The following ZNF518A variants were observed in gnomAD, a reference collection of about 807,000 sequenced individuals.
The protein encoded by ZNF518A is zinc finger protein 518A, also known as zinc finger protein 518.
A neutral mutation model predicts 102.7 loss-of-function variants in ZNF518A; 47 were observed. That is an observed-to-expected ratio of 0.46 (90% confidence interval 0.36 to 0.58). ZNF518A has a LOEUF of 0.58. Ranked by LOEUF, ZNF518A falls within the 20% of genes least tolerant of loss-of-function variation. The pLI is 0.00. For missense variants in ZNF518A, 1,793 were observed against 1,699.8 expected, an observed-to-expected ratio of 1.05 and a Z score of -0.96; for synonymous variants, 652 against 594.6, an observed-to-expected ratio of 1.10 and a Z score of -1.40.
Position 96,158,946 on chromosome 10 carries a change from C to G in ZNF518A, c.2624C>G (p.Ser875Ter). ...VSSIPQDVRD[S>*]EKMPRISGFG... The stretch of plus-strand genomic sequence containing the variant: ...TCAATACCACAAGATGTGAGAGATT[C>G]AGAGAAGATGCCTAGAATTTCAGGT... Residue 875 changes from serine to a stop codon, truncating the protein, a stop_gained, in exon 6 of 6, where the codon TCA (serine) becomes TGA (stop). Transcript: ENST00000316045. LOFTEE classifies it high-confidence loss of function. 6.2e-7 allele frequency: 1 copy of G among 1,613,534 alleles called. No individual in the cohort carries two copies. The highest frequency in any genetic ancestry group is 8.5e-7 in the Non-Finnish European group (1 of 1,179,700).
chr10:96,151,988 G>A (rs979464241), intron 3 of ZNF518A, among the ~76,000 whole-genome samples: 1 of 152,166 alleles, frequency 6.6e-6, no homozygotes, highest in East Asian at 1.9e-4. Flanking sequence ...TACATATATA[G>A]AAGGCAGTAG....
downstream of ZNF518A, among the ~76,000 whole-genome samples, chr10:96,164,687 G>A (rs1179289489): frequency 2.6e-5 from 4 of 152,146 alleles, no homozygotes; most frequent in South Asian, 4.1e-4. Flanking sequence ...TACAAGAGTG[G>A]AAACTTTCAA....
At position 96,159,735 on chromosome 10, in the gene ZNF518A, G is replaced by A. The variant is rs1393385158; in HGVS notation, c.3413G>A (p.Gly1138Glu). Residue 1138 changes from glycine to glutamate, a missense_variant, in exon 6 of 6, where the codon GGA becomes GAA. By Grantham distance (98) the Gly-to-Glu change is moderately conservative. Around this residue, in one of 3 missense-constraint regions of ZNF518A, gnomAD observed 1,741 missense variants for 1,622.6 expected, o/e 1.07. Coordinates refer to ENST00000316045, the MANE Select transcript of ZNF518A (RefSeq NM_001330736.2). ...YQNIQPKKPE[G>E]TPQRILLKIF... ...AATATACAGCCAAAGAAACCTGAAG[G>A]AACACCACAAAGAATATTGCTGAAA... 1.2e-6 allele frequency: 2 copies of A among 1,612,996 alleles called. No homozygotes were observed. The highest frequency in any genetic ancestry group is 1.7e-6 in the Non-Finnish European group (2 of 1,179,768).
intron 3 of ZNF518A, among the ~76,000 whole-genome samples, chr10:96,153,650 G>T (rs1187067709): frequency 1.3e-5 from 2 of 152,144 alleles, no homozygotes; most frequent in East Asian, 3.8e-4. Flanking sequence ...TAATAAGATG[G>T]TCTCTTTTAT....
chr10:96,160,506 C>G lies in ZNF518A; in HGVS notation c.4184C>G (p.Pro1395Arg). The change falls in exon 6 of 6, where the codon CCT (proline) becomes CGT (arginine). Residue 1395 changes from proline to arginine, a missense_variant. This residue lies in a region of ZNF518A where 1,741 missense variants were observed against 1,622.6 expected (regional missense o/e 1.07). Transcript: ENST00000316045. ...TTACTGAAACCAGTTTGTTATAACC[C>G]TCCTAAAACAACTTATGATGATTTT... ...NALLKPVCYN[P>R]PKTTYDDFSK... 1 of 1,612,836 alleles carries G rather than the reference C, an allele frequency of 6.2e-7. No homozygotes were observed. The highest frequency in any genetic ancestry group is 8.5e-7 in the Non-Finnish European group (1 of 1,179,448).
In ZNF518A at chr10:96,161,752, G is replaced by A. The variant is rs782739226; in HGVS notation, c.*978G>A. 6.0e-6 allele frequency: 1 copy of A among 166,832 alleles called. No homozygotes were observed. Among genetic ancestry groups the A allele is most frequent in the Non-Finnish European group, 1.5e-5 (1 of 67,998 alleles). The allele number at this position is 166,832 out of a possible 1,614,324, so 10.3% of individuals were successfully genotyped here. A position where few individuals can be genotyped will look rare whatever the true frequency, so the allele number is the denominator to read the frequency against. ...TTGAAGCAAGATCATATTTTTGTCT[G>A]TATTCACTTTATTATTTGAACATGT... is the stretch of plus-strand genomic sequence containing the variant. On this transcript the variant is annotated 3_prime_UTR_variant, in exon 6 of 6. Coordinates refer to ENST00000316045, the MANE Select transcript of ZNF518A (RefSeq NM_001330736.2).
At chr10:96,155,056 T>TAC (rs1554881722) in intron 3 of ZNF518A, among the ~76,000 whole-genome samples, 1 of 150,534 alleles carries the variant, frequency 6.6e-6, no homozygotes, top group East Asian at 1.9e-4. Flanking sequence ...TATTCATACA[T>TAC]ATATATATAT....
chr10:96,171,121 G>T (rs1317320138), intron 1 of ZNF518A, among the ~76,000 whole-genome samples: 1 of 152,016 alleles, frequency 6.6e-6, no homozygotes, highest in Non-Finnish European at 1.5e-5. Flanking sequence ...TTGGAAAACA[G>T]TATGGGACTT....
Position 96,163,221 on chromosome 10 carries a change from A to C in ZNF518A, c.*2447A>C, listed in dbSNP as rs1227717160. 1 of 166,858 alleles carries C rather than the reference A, an allele frequency of 6.0e-6. No individual in the cohort carries two copies. The highest frequency in any genetic ancestry group is 1.5e-5 in the Non-Finnish European group (1 of 68,032). The allele number at this position is 166,858 out of a possible 1,614,324, so 10.3% of individuals were successfully genotyped here. A position where few individuals can be genotyped will look rare whatever the true frequency, so the allele number is the denominator to read the frequency against. On this transcript the variant is annotated 3_prime_UTR_variant, in exon 6 of 6. Coordinates refer to ENST00000316045, the MANE Select transcript of ZNF518A (RefSeq NM_001330736.2). ...GATATTCTAGTTGGAACTTTTTCTG[A>C]TTTTGTTAACTTAAGTTATTCTGAG...
chr10:96,175,681 G>A (rs892144592), intron 1 of ZNF518A, among the ~76,000 whole-genome samples: 4 of 152,082 alleles, frequency 2.6e-5, no homozygotes, highest in Non-Finnish European at 5.9e-5. Context: ...CAACCCAATG[G>A]GTATTTCAGG....
At chr10:96,165,470 CAAAAA>C (rs35332637), downstream of ZNF518A, among the ~76,000 whole-genome samples, 11 of 112,372 alleles carry the variant, frequency 9.8e-5, no homozygotes, top group East Asian at 1.1e-3. Flanking sequence ...CAACAACAAC[CAAAAA>C]AAAAAAAAAA....
At chr10:96,131,434 C>T (rs1445511282) in intron 1 of ZNF518A, among the ~76,000 whole-genome samples, 5 of 152,078 alleles carry the variant, frequency 3.3e-5, no homozygotes, top group Admixed American at 2.0e-4. Flanking sequence ...ATTGTCTTTT[C>T]TGAAATTTAT....
Position 96,160,013 on chromosome 10 carries a change from A to G in ZNF518A, c.3691A>G (p.Arg1231Gly). The G allele has an allele frequency of 6.2e-7, 1 of 1,612,422 alleles. No homozygotes were observed. The highest frequency in any genetic ancestry group is 8.5e-7 in the Non-Finnish European group (1 of 1,179,402). The change falls in exon 6 of 6, where the codon AGG (arginine) becomes GGG (glycine). Residue 1231 changes from arginine (R) to glycine (G), a missense_variant. Around this residue, in one of 3 missense-constraint regions of ZNF518A, gnomAD observed 1,741 missense variants for 1,622.6 expected, o/e 1.07. Coordinates refer to ENST00000316045, the MANE Select transcript of ZNF518A (RefSeq NM_001330736.2). ...ATGTGTCAGTGACTGTTCAGAGTCC[A>G]GGGTATTAAGGTGTAAAACAAATTG... The part of the protein sequence containing the change: ...PICVSDCSES[R>G]VLRCKTNCRI...
chr10:96,140,504 G>A (rs957427369), intron 3 of ZNF518A, among the ~76,000 whole-genome samples: 13 of 152,010 alleles, frequency 8.6e-5, no homozygotes, highest in East Asian at 1.9e-4. Context: ...AATCACTGTC[G>A]CAGCAAAATG....
chr10:96,143,425 T>C (rs1564749955), intron 3 of ZNF518A, among the ~76,000 whole-genome samples: 1 of 152,222 alleles, frequency 6.6e-6, no homozygotes, highest in South Asian at 2.1e-4. Flanking sequence ...AAAATACTTT[T>C]CTTCCATTGT....
downstream of ZNF518A, chr10:96,204,204 G>C: frequency 1.8e-6 from 2 of 1,139,966 alleles, no homozygotes; most frequent in Non-Finnish European, 2.6e-6. Context: ...CAATACAAAT[G>C]GCCAATAAAA....
At chr10:96,190,201 T>C (rs1204717006) in intron 1 of ZNF518A, 2 of 777,038 alleles carry the variant, frequency 2.6e-6, no homozygotes, top group African/African-American at 3.4e-5. Flanking sequence ...CTCACGTCCA[T>C]GTCCATCGAA....
intron 3 of ZNF518A, among the ~76,000 whole-genome samples, chr10:96,144,397 T>C (rs1188900026): frequency 6.6e-6 from 1 of 152,230 alleles, no homozygotes; most frequent in African/African-American, 2.4e-5. Context: ...TGTTCCGTAA[T>C]TTTATAATTT....
chr10:96,159,956 G>A lies in ZNF518A; in HGVS notation c.3634G>A (p.Ala1212Thr), dbSNP rs782048011. The change falls in exon 6 of 6, where the codon GCA (alanine) becomes ACA (threonine). Residue 1212 changes from alanine to threonine, a missense_variant. By Grantham distance (58) the Ala-to-Thr change is moderately conservative. Coordinates refer to ENST00000316045, the MANE Select transcript of ZNF518A (RefSeq NM_001330736.2). ...AAATGAAATTGTGATAACTTCTACT[G>A]CAACATGCCCAGAATCTTCTGAGGA... is the stretch of plus-strand genomic sequence containing the variant. ...PANEIVITST[A>T]TCPESSEEPI... The A allele has an allele frequency of 3.9e-5, 63 of 1,613,298 alleles. No homozygotes were observed. The highest frequency in any genetic ancestry group is 5.2e-5 in the Non-Finnish European group (61 of 1,179,678).
Sources: allele counts gnomAD v4.1 joint callset (sites outside exome capture counted in the v4.1 genomes callset), GRCh38; gene constraint gnomAD v4.1.1; regional missense constraint gnomAD v4.1.1; transcripts MANE v1.5; gene names NCBI Gene and HGNC (gene_info 2026-07-23, HGNC 2026-07-21).